The following GALNT13 variants were observed in gnomAD, a reference collection of about 807,000 sequenced individuals.
GALNT13 encodes the protein UDP-GalNAc:polypeptide N-acetylgalactosaminyltransferase 13.
GALNT13 carries 28 observed loss-of-function variants against 64.2 expected under a neutral mutation model. That is an observed-to-expected ratio of 0.44 (90% CI 0.32 to 0.60). GALNT13 has a LOEUF of 0.60. Ranked by LOEUF, GALNT13 falls within the 20% of genes least tolerant of loss-of-function variation. The pLI, the probability that GALNT13 is intolerant of heterozygous loss-of-function variation, is 0.05. For missense variants in GALNT13, 577 were observed against 669.8 expected, an observed-to-expected ratio of 0.86 and a Z score of 1.53; for synonymous variants, 214 against 224.6, an observed-to-expected ratio of 0.95 and a Z score of 0.42.
At chr2:153,625,023 A>C in the GALNT13 span, among the ~76,000 whole-genome samples, 1 of 152,090 alleles carries the variant, frequency 6.6e-6, no homozygotes, top group Non-Finnish European at 1.5e-5. Context: ...GATGTATTTG[A>C]AAGTAGGAAA....
At chr2:153,486,018 A>T in the GALNT13 span, among the ~76,000 whole-genome samples, 12 of 152,090 alleles carry the variant, frequency 7.9e-5, no homozygotes. Flanking sequence ...GCTTACTGCA[A>T]CCTCCACTTC....
chr2:154,420,670 A>G (rs1376795026), intron 11 of GALNT13, among the ~76,000 whole-genome samples: 3 of 152,142 alleles, frequency 2.0e-5, no homozygotes, highest in Non-Finnish European at 4.4e-5. Flanking sequence ...CCCTTAGACT[A>G]GCTGTATGCC....
At chr2:153,342,568 C>G in the GALNT13 span, among the ~76,000 whole-genome samples, 1 of 152,280 alleles carries the variant, frequency 6.6e-6, no homozygotes, top group South Asian at 2.1e-4. Flanking sequence ...TTATCAAACA[C>G]ATTACAATTT....
At chr2:153,084,480 G>A in the GALNT13 span, among the ~76,000 whole-genome samples, 1 of 152,036 alleles carries the variant, frequency 6.6e-6, no homozygotes, top group African/African-American at 2.4e-5. Flanking sequence ...GTCCTGATAT[G>A]GTTGGCTGTG....
chr2:153,675,425 T>C, the GALNT13 span, among the ~76,000 whole-genome samples: 2 of 152,106 alleles, frequency 1.3e-5, no homozygotes, highest in African/African-American at 4.8e-5. Context: ...ACCATCACTC[T>C]CAGCAAACTA....
the GALNT13 span, among the ~76,000 whole-genome samples, chr2:153,473,269 AAATAT>A: frequency 6.6e-6 from 1 of 152,168 alleles, no homozygotes; most frequent in Non-Finnish European, 1.5e-5. Flanking sequence ...TAAGCTTCTC[AAATAT>A]AATAATAATC....
chr2:153,344,066 C>T, the GALNT13 span, among the ~76,000 whole-genome samples: 1 of 151,480 alleles, frequency 6.6e-6, no homozygotes, highest in African/African-American at 2.4e-5. Flanking sequence ...CTTTTTTTTT[C>T]CCTGAAACAT....
the GALNT13 span, among the ~76,000 whole-genome samples, chr2:153,428,849 A>G: frequency 3.9e-5 from 6 of 152,292 alleles, no homozygotes; most frequent in Admixed American, 3.9e-4. Flanking sequence ...TGGTGATCAA[A>G]TGGAGTTTGT....
the GALNT13 span, among the ~76,000 whole-genome samples, chr2:153,585,299 T>C: frequency 6.7e-5 from 10 of 148,322 alleles, no homozygotes; most frequent in East Asian, 1.9e-3. Flanking sequence ...TTTTAAAGCC[T>C]CAACAACGGA....
the GALNT13 span, among the ~76,000 whole-genome samples, chr2:153,803,419 G>A: frequency 2.6e-5 from 4 of 152,090 alleles, no homozygotes; most frequent in East Asian, 7.7e-4. Flanking sequence ...CAGGTCTGGC[G>A]CGGTGTCTTA....
At chr2:153,680,679 A>G in the GALNT13 span, among the ~76,000 whole-genome samples, 2 of 151,840 alleles carry the variant, frequency 1.3e-5, no homozygotes, top group East Asian at 3.9e-4. Context: ...GTGATCATGA[A>G]AATTCTCAAT....
the GALNT13 span, among the ~76,000 whole-genome samples, chr2:153,822,059 A>C: frequency 6.6e-6 from 1 of 152,216 alleles, no homozygotes; most frequent in South Asian, 2.1e-4. Context: ...TGAACAGACA[A>C]GTATGAGCTC....
At chr2:153,333,114 G>T in the GALNT13 span, among the ~76,000 whole-genome samples, 2 of 152,220 alleles carry the variant, frequency 1.3e-5, no homozygotes, top group East Asian at 1.9e-4. Flanking sequence ...TGCCTGCATG[G>T]CCATGCTGGC....
the GALNT13 span, among the ~76,000 whole-genome samples, chr2:153,853,111 C>T: frequency 2.6e-5 from 4 of 152,200 alleles, no homozygotes; most frequent in South Asian, 2.1e-4. Context: ...ATTTAGAGTC[C>T]GATCTTTGAG....
the GALNT13 span, among the ~76,000 whole-genome samples, chr2:153,436,679 C>T: frequency 2.0e-5 from 3 of 152,126 alleles, no homozygotes; most frequent in Non-Finnish European, 2.9e-5. Flanking sequence ...GTGATATCCT[C>T]TTTATCATTT....
the GALNT13 span, among the ~76,000 whole-genome samples, chr2:153,326,887 C>G: frequency 6.6e-6 from 1 of 152,048 alleles, no homozygotes. Context: ...AGTTTGAGAC[C>G]AGCCTGACAA....
At chr2:154,019,930 C>T (rs1697324845) in intron 3 of GALNT13, among the ~76,000 whole-genome samples, 1 of 151,628 alleles carries the variant, frequency 6.6e-6, no homozygotes, top group African/African-American at 2.4e-5. Flanking sequence ...CAGTTCCCAC[C>T]TATGAGTGAG....
chr2:154,431,602 C>T (rs1183127410), intron 11 of GALNT13, among the ~76,000 whole-genome samples: 1 of 152,122 alleles, frequency 6.6e-6, no homozygotes, highest in East Asian at 1.9e-4. Flanking sequence ...AAATCCAGAA[C>T]AAACCATACA....
intron 8 of GALNT13, among the ~76,000 whole-genome samples, chr2:154,277,320 C>A (rs73965421): frequency 0.017 from 2,544 of 152,066 alleles, 67 homozygotes; most frequent in African/African-American, 0.057. Context: ...GTTAGGAAAC[C>A]TACTGAACCT....
Sources: allele counts gnomAD v4.1 joint callset (sites outside exome capture counted in the v4.1 genomes callset), GRCh38; gene constraint gnomAD v4.1.1; transcripts MANE v1.5; gene names NCBI Gene and HGNC (gene_info 2026-07-23, HGNC 2026-07-21).